ADGRB3: variants seen among roughly 807,000 people sequenced by gnomAD.
ADGRB3 encodes adhesion G protein-coupled receptor B3.
A neutral mutation model predicts 193.4 loss-of-function variants in ADGRB3; 37 were observed. The observed-to-expected ratio is 0.19, with a 90% CI of 0.15 to 0.25. ADGRB3 has a LOEUF of 0.25. ADGRB3 is among the 10% of genes least tolerant of loss of function. The pLI is 1.00. For synonymous variants in ADGRB3, 690 were observed against 644.2 expected, an observed-to-expected ratio of 1.07 and a Z score of -1.08; for missense variants, 1,637 against 1,852.9, an observed-to-expected ratio of 0.88 and a Z score of 2.14.
intron 3 of ADGRB3, among the ~76,000 whole-genome samples, chr6:68,744,495 C>T (rs897275149): frequency 2.0e-5 from 3 of 152,090 alleles, no homozygotes; most frequent in Non-Finnish European, 2.9e-5. Context: ...ACCAAAAGCC[C>T]ATCATTGATA....
At chr6:68,829,161 A>G (rs1767907665) in intron 3 of ADGRB3, among the ~76,000 whole-genome samples, 1 of 135,714 alleles carries the variant, frequency 7.4e-6, no homozygotes, top group Non-Finnish European at 1.5e-5. Flanking sequence ...GTGTAGTGGC[A>G]CAATCTCGGC....
intron 20 of ADGRB3, among the ~76,000 whole-genome samples, chr6:69,324,190 A>G (rs1768519828): frequency 1.3e-5 from 2 of 152,270 alleles, no homozygotes; most frequent in South Asian, 2.1e-4. Flanking sequence ...AAATATCTAT[A>G]AAATCTTAGC....
At chr6:68,830,422 G>A (rs1307844880) in intron 3 of ADGRB3, among the ~76,000 whole-genome samples, 2 of 152,138 alleles carry the variant, frequency 1.3e-5, no homozygotes, top group Non-Finnish European at 2.9e-5. Context: ...ATAGAACTTG[G>A]AATTTCTGTC....
chr6:69,080,690 A>G (rs760648718), intron 17 of ADGRB3, among the ~76,000 whole-genome samples: 16 of 151,978 alleles, frequency 1.1e-4, no homozygotes, highest in Non-Finnish European at 2.4e-4. Flanking sequence ...AATATTTAAC[A>G]ATGTATAGCC....
chr6:68,683,576 GC>G (rs1281794841), intron 3 of ADGRB3, among the ~76,000 whole-genome samples: 1 of 151,862 alleles, frequency 6.6e-6, no homozygotes, highest in African/African-American at 2.4e-5. Flanking sequence ...AATATGTATT[GC>G]TTTATATTAA....
rs146948721 is a variant in ADGRB3, at chr6:69,187,153, G to A, written c.2481-46137G>A. On this transcript the variant is annotated intron_variant, in intron 17 of 31. Transcript: ENST00000370598. ...TTATATTGCTTCATGTTTACAATAT[G>A]TGTATGTTTGTGTCCATGGGAGAGA... 3.8e-3 allele frequency among the ~76,000 whole-genome samples: 572 copies of A among 152,096 alleles called. 2 individuals are homozygous for A. The highest frequency in any genetic ancestry group is 6.1e-3 in the Non-Finnish European group (415 of 67,980).
chr6:69,074,654 C>T (rs1183754865), intron 16 of ADGRB3, among the ~76,000 whole-genome samples: 1 of 151,632 alleles, frequency 6.6e-6, no homozygotes, highest in East Asian at 1.9e-4. Flanking sequence ...ACGACATTCT[C>T]CTGCCTCAGC....
At chr6:69,113,213 A>G (rs1423097422) in intron 17 of ADGRB3, among the ~76,000 whole-genome samples, 1 of 152,066 alleles carries the variant, frequency 6.6e-6, no homozygotes, top group Non-Finnish European at 1.5e-5. Flanking sequence ...ATACATATGT[A>G]TATGTACAAT....
chr6:69,260,563 C>T (rs1013604215), intron 20 of ADGRB3, among the ~76,000 whole-genome samples: 5 of 152,156 alleles, frequency 3.3e-5, no homozygotes, highest in African/African-American at 1.2e-4. Flanking sequence ...GGCACGTCTT[C>T]TAGCCTGTCT....
chr6:68,760,246 G>T (rs543796517), intron 3 of ADGRB3, among the ~76,000 whole-genome samples: 11 of 152,132 alleles, frequency 7.2e-5, no homozygotes, highest in Non-Finnish European at 1.5e-4. Flanking sequence ...TTCTGAAAAT[G>T]ACAAACACAT....
intron 3 of ADGRB3, among the ~76,000 whole-genome samples, chr6:68,650,798 T>A (rs6933218): frequency 0.053 from 8,140 of 152,190 alleles, 699 homozygotes; most frequent in African/African-American, 0.18. Flanking sequence ...TTTGTCCATT[T>A]GTTGCTTTTC....
intron 17 of ADGRB3, among the ~76,000 whole-genome samples, chr6:69,107,163 T>G (rs1773238751): frequency 6.6e-6 from 1 of 152,182 alleles, no homozygotes; most frequent in Non-Finnish European, 1.5e-5. Flanking sequence ...GTTAAGCTTC[T>G]GTAAGAGAAT....
chr6:68,907,195 A>G (rs180795336), intron 3 of ADGRB3, among the ~76,000 whole-genome samples: 1 of 152,044 alleles, frequency 6.6e-6, no homozygotes, highest in Admixed American at 6.6e-5. Context: ...TTTTTACTAA[A>G]TTTTTAGAAA....
chr6:69,033,529 G>A (rs529316885), intron 13 of ADGRB3, among the ~76,000 whole-genome samples: 1 of 152,020 alleles, frequency 6.6e-6, no homozygotes, highest in South Asian at 2.1e-4. Flanking sequence ...TCATTCTTTT[G>A]CAATGCAATT....
intron 8 of ADGRB3, among the ~76,000 whole-genome samples, chr6:68,971,758 TA>T (rs1768577395): frequency 6.6e-6 from 1 of 152,236 alleles, no homozygotes; most frequent in African/African-American, 2.4e-5. Flanking sequence ...ACCAACTGAT[TA>T]CATACTTATT....
chr6:68,919,689 C>T (rs1369416315), intron 3 of ADGRB3, among the ~76,000 whole-genome samples: 1 of 151,426 alleles, frequency 6.6e-6, no homozygotes, highest in Non-Finnish European at 1.5e-5. Flanking sequence ...ATTTCAAGAA[C>T]GGTTGTGGGA....
At chr6:69,028,281 C>T (rs72908766) in intron 13 of ADGRB3, among the ~76,000 whole-genome samples, 5,798 of 152,254 alleles carry the variant, frequency 0.038, 146 homozygotes, top group Non-Finnish European at 0.055. Context: ...AAGGCTCAAC[C>T]AAGTCCAGCA....
chr6:68,696,900 T>C (rs922678354), intron 3 of ADGRB3, among the ~76,000 whole-genome samples: 1 of 152,036 alleles, frequency 6.6e-6, no homozygotes, highest in African/African-American at 2.4e-5. Context: ...CCTTTCGTCC[T>C]CCTGTAAATT....
chr6:68,648,907 G>A (rs534954173), intron 3 of ADGRB3, among the ~76,000 whole-genome samples: 6 of 151,734 alleles, frequency 4.0e-5, no homozygotes, highest in African/African-American at 1.2e-4. Context: ...AAGAACTAAA[G>A]CATTTAAATA....
Sources: allele counts gnomAD v4.1 joint callset (sites outside exome capture counted in the v4.1 genomes callset), GRCh38; gene constraint gnomAD v4.1.1; transcripts MANE v1.5; gene names NCBI Gene and HGNC (gene_info 2026-07-23, HGNC 2026-07-21).